Variants in SUCLA2 observed in about 807,000 individuals in gnomAD.
SUCLA2 encodes succinate-CoA ligase ADP-forming subunit beta.
A neutral mutation model predicts 54.8 loss-of-function variants in SUCLA2; 30 were observed. The ratio of observed to expected loss-of-function variants is 0.55; its 90% CI spans 0.41 to 0.74. The LOEUF (loss-of-function observed/expected upper bound fraction) is 0.74, where lower values mean the gene tolerates loss of function less well. Among genes scored for constraint, SUCLA2 ranks in the 30% least tolerant of loss-of-function variants. The pLI is 0.00. For synonymous variants in SUCLA2, 172 were observed against 188.9 expected, an observed-to-expected ratio of 0.91 and a Z score of 0.74; for missense variants, 476 against 562.9, an observed-to-expected ratio of 0.85 and a Z score of 1.56.
intron 8 of SUCLA2, among the ~76,000 whole-genome samples, chr13:47,950,262 A>C (rs1183627384): frequency 1.3e-5 from 2 of 152,188 alleles, no homozygotes; most frequent in Non-Finnish European, 2.9e-5. Context: ...TTACCAAGAA[A>C]AAAAGCTCAC....
intron 2 of SUCLA2, among the ~76,000 whole-genome samples, chr13:47,993,092 A>G (rs983514992): frequency 6.6e-6 from 1 of 152,148 alleles, no homozygotes; most frequent in Admixed American, 6.5e-5. Flanking sequence ...TTAGCCAGGC[A>G]TGGTGGAGCA....
chr13:47,947,257 T>C (rs1383468019), intron 10 of SUCLA2, among the ~76,000 whole-genome samples: 2 of 148,230 alleles, frequency 1.3e-5, no homozygotes, highest in Non-Finnish European at 3.0e-5. Flanking sequence ...TATGCATGTG[T>C]ATGCACACAC....
chr13:47,980,913 C>T (rs1790005293), intron 4 of SUCLA2, among the ~76,000 whole-genome samples: 1 of 152,118 alleles, frequency 6.6e-6, no homozygotes, highest in Non-Finnish European at 1.5e-5. Context: ...TGAAGTTAGA[C>T]CCTTACCAAT....
intron 6 of SUCLA2, among the ~76,000 whole-genome samples, chr13:47,962,909 G>A (rs771883808): frequency 2.6e-5 from 4 of 152,206 alleles, no homozygotes; most frequent in African/African-American, 9.6e-5. Context: ...AAAATGTATC[G>A]AAGAACTGCA....
At chr13:47,972,813 T>A (rs1182304781) in intron 5 of SUCLA2, among the ~76,000 whole-genome samples, 1 of 139,174 alleles carries the variant, frequency 7.2e-6, no homozygotes, top group African/African-American at 2.6e-5. Flanking sequence ...AGTGGCACAA[T>A]CTCGGCTCAC....
At position 47,954,566 on chromosome 13, in the gene SUCLA2, G is replaced by A. The variant is rs1207618540; in HGVS notation, c.803-9C>T. On this transcript the variant is annotated splice_polypyrimidine_tract_variant and intron_variant, in intron 6 of 10. Coordinates refer to ENST00000646932, the MANE Select transcript of SUCLA2 (RefSeq NM_003850.3). ...TGCATCCATACACAATACTTTGAAGGGAAAAAGAGAAAAATGACCTTAATT... is the reference window on the plus strand; with the variant it reads ...TGCATCCATACACAATACTTTGAAGAGAAAAAGAGAAAAATGACCTTAATT... The A allele has an allele frequency of 6.2e-7, 1 of 1,611,660 alleles. No individual in the cohort carries two copies. The highest frequency in any genetic ancestry group is 8.5e-7 in the Non-Finnish European group (1 of 1,178,592).
rs1325218269 is a variant in SUCLA2, at chr13:47,949,483, C to T, written c.1228G>A (p.Gly410Ser). The T allele has an allele frequency of 1.2e-6, 2 of 1,613,410 alleles. No homozygotes were observed. The highest frequency in any genetic ancestry group is 1.1e-5 in the South Asian group (1 of 91,064). ...ACTGCAAGATACCTTTTATACTCAC[C>T]TTGTAACCGTACCACAACAGGTATT... is the stretch of plus-strand genomic sequence containing the variant. The part of the protein sequence containing the change: ...IKIPVVVRLQ[G>S]TRVDDAKALI... The change falls in exon 9 of 11, where the codon GGT becomes AGT. Residue 410 changes from glycine to serine, a missense_variant and splice_region_variant. By Grantham distance (56) the Gly-to-Ser change is moderately conservative (BLOSUM62 0). Transcript: ENST00000646932.
At chr13:47,976,509 G>A (rs1188559025) in intron 4 of SUCLA2, among the ~76,000 whole-genome samples, 8 of 152,110 alleles carry the variant, frequency 5.3e-5, no homozygotes, top group Non-Finnish European at 1.2e-4. Context: ...AACTGATATG[G>A]GTGCTGATGG....
chr13:47,951,627 T>G (rs1949776943), intron 8 of SUCLA2, among the ~76,000 whole-genome samples: 1 of 152,170 alleles, frequency 6.6e-6, no homozygotes, highest in African/African-American at 2.4e-5. Context: ...TCAGCAATCC[T>G]CAACTTAGCA....
At chr13:47,962,385 A>G (rs879437260) in intron 6 of SUCLA2, among the ~76,000 whole-genome samples, 3 of 152,222 alleles carry the variant, frequency 2.0e-5, no homozygotes, top group Non-Finnish European at 2.9e-5. Context: ...GGAACTGGCT[A>G]TTTTCCTAGG....
chr13:47,958,147 G>C (rs1295375724), intron 6 of SUCLA2, among the ~76,000 whole-genome samples: 2 of 152,136 alleles, frequency 1.3e-5, no homozygotes. Flanking sequence ...GCTGATGTTT[G>C]GCCCCAGTGT....
intron 6 of SUCLA2, among the ~76,000 whole-genome samples, chr13:47,959,488 G>C (rs1191884436): frequency 1.1e-5 from 1 of 88,386 alleles, no homozygotes; most frequent in East Asian, 4.6e-4. Flanking sequence ...AGGAGGAGGG[G>C]GGAAGGGGAG....
intron 4 of SUCLA2, among the ~76,000 whole-genome samples, chr13:47,987,013 C>G (rs1016173829): frequency 5.9e-5 from 9 of 152,184 alleles, no homozygotes; most frequent in African/African-American, 2.2e-4. Context: ...GTGATAATAT[C>G]AAAGAATTTA....
intron 6 of SUCLA2, among the ~76,000 whole-genome samples, chr13:47,962,848 G>C (rs1336755453): frequency 1.3e-5 from 2 of 152,122 alleles, no homozygotes; most frequent in African/African-American, 2.4e-5. Flanking sequence ...TGGTCTTAAA[G>C]CTTAAAACTT....
intron 6 of SUCLA2, among the ~76,000 whole-genome samples, chr13:47,955,513 T>G (rs1031286538): frequency 6.6e-6 from 1 of 152,184 alleles, no homozygotes; most frequent in Admixed American, 6.5e-5. Flanking sequence ...GTGCCTGTTT[T>G]CAAATGGCCT....
intron 4 of SUCLA2, among the ~76,000 whole-genome samples, chr13:47,982,090 C>G (rs535356304): frequency 2.6e-5 from 4 of 152,190 alleles, no homozygotes; most frequent in African/African-American, 9.7e-5. Flanking sequence ...AGTAATCCCA[C>G]TTCTAGGTAT....
At chr13:47,982,324 C>T (rs559894171) in intron 4 of SUCLA2, among the ~76,000 whole-genome samples, 8 of 152,210 alleles carry the variant, frequency 5.3e-5, no homozygotes, top group Admixed American at 2.0e-4. Flanking sequence ...GGACATTATG[C>T]TGAGATAAAC....
At chr13:47,954,347 T>A in intron 7 of SUCLA2, 49 bp downstream of exon 7, 1 of 1,613,746 alleles carries the variant, frequency 6.2e-7, no homozygotes, top group Non-Finnish European at 8.5e-7. Flanking sequence ...ACTTAGTAAA[T>A]CCAAATTAAA....
intron 6 of SUCLA2, chr13:47,965,494 T>TTAAAAAAAAAAA (rs751887684): frequency 4.5e-5 from 14 of 311,150 alleles, no homozygotes; most frequent in Admixed American, 1.1e-4. Flanking sequence ...ACCCCTTCTT[T>TTAAAAAAAAAAA]AAAAAAAAAA....
Sources: allele counts gnomAD v4.1 joint callset (sites outside exome capture counted in the v4.1 genomes callset), GRCh38; gene constraint gnomAD v4.1.1; transcripts MANE v1.5; gene names NCBI Gene and HGNC (gene_info 2026-07-23, HGNC 2026-07-21).